The following CLEC17A variants were observed in gnomAD, a reference collection of about 807,000 sequenced individuals.
CLEC17A encodes C-type lectin domain family 17, member A.
CLEC17A carries 37 observed loss-of-function variants against 61.3 expected under a neutral mutation model. That is an observed-to-expected ratio of 0.60 (90% CI 0.46 to 0.79). The LOEUF is 0.79. Among genes scored for constraint, CLEC17A ranks in the 30% least tolerant of loss-of-function variants. The pLI, the probability that CLEC17A is intolerant of heterozygous loss-of-function variation, is 0.00. For missense variants in CLEC17A, 418 were observed against 464.7 expected (o/e 0.90, Z 0.92); for synonymous variants, 168 against 164.9 (o/e 1.02, Z -0.14).
At chr19:14,599,940 G>A in intron 11 of CLEC17A, 91 bp from the exon 12 acceptor site, 2 of 1,548,330 alleles carry the variant, frequency 1.3e-6, no homozygotes, top group Non-Finnish European at 1.8e-6. Context: ...CCGGAGTTGA[G>A]CAGTGTACAG....
rs1460970868 is a variant in CLEC17A at position 14,591,226 on chromosome 19, C to T, written c.200-1055C>T. Among the ~76,000 whole-genome samples, 5 of 151,510 alleles carry T rather than the reference C, an allele frequency of 3.3e-5. No homozygotes were observed. In the South Asian group the frequency reaches 1.0e-3, roughly 32 times the overall value. ...CTGGAGTGCAGTGGCGCGATCTCGG[C>T]TCACTGCAAGCTCCGCCTCCCAGGT... is the stretch of plus-strand genomic sequence containing the variant. On this transcript the variant is annotated intron_variant, in intron 3 of 13. Transcript: ENST00000417570.
upstream of CLEC17A, chr19:14,582,946 G>T: frequency 1.8e-6 from 1 of 556,144 alleles, no homozygotes; most frequent in Non-Finnish European, 3.2e-6. Flanking sequence ...TCCAAACTGG[G>T]GAGAAAGGCT....
intron 2 of CLEC17A, among the ~76,000 whole-genome samples, chr19:14,587,263 T>TGTG (rs71733825): frequency 0.056 from 7,639 of 136,430 alleles, 688 homozygotes; most frequent in African/African-American, 0.21. Flanking sequence ...GTGTGTGTGT[T>TGTG]TGTGTTTGTG....
chr19:14,591,663 C>T (rs1453483181), intron 3 of CLEC17A, among the ~76,000 whole-genome samples: 1 of 151,592 alleles, frequency 6.6e-6, no homozygotes, highest in Non-Finnish European at 1.5e-5. Context: ...AAGTGATTCA[C>T]CTGCCTCAGC....
intron 13 of CLEC17A, 52 bp from the exon 14 acceptor site, chr19:14,610,012 T>G: frequency 7.2e-7 from 1 of 1,381,432 alleles, no homozygotes; most frequent in Non-Finnish European, 1.0e-6. Flanking sequence ...TACAGAAGAG[T>G]TTCACCACCC....
intron 2 of CLEC17A, among the ~76,000 whole-genome samples, chr19:14,586,411 A>ACC (rs2074281790): frequency 6.6e-6 from 1 of 151,984 alleles, no homozygotes. Flanking sequence ...GGCACGAGCC[A>ACC]CCACGCCCAG....
rs539506747 is a variant in CLEC17A, at chr19:14,583,518, TAGTC to T, written c.121+89_121+92del. On this transcript the variant is annotated intron_variant, in intron 2 of 13. Coordinates refer to ENST00000417570, the MANE Select transcript of CLEC17A (RefSeq NM_001204118.2). ...GCATTGGTTGGGCATTGTAGACACA[TAGTC>T]AGTCTCCTCTGTATCCAGCCCATGC... is the stretch of plus-strand genomic sequence containing the variant. 5.6e-4 allele frequency: 894 copies of T among 1,584,268 alleles called. 4 individuals carry two copies. Among genetic ancestry groups the T allele is most frequent in the African/African-American group, 5.0e-3 (374 of 74,330 alleles).
At chr19:14,600,929 G>A (rs1399635175) in intron 12 of CLEC17A, among the ~76,000 whole-genome samples, 1 of 101,894 alleles carries the variant, frequency 9.8e-6, no homozygotes, top group African/African-American at 3.9e-5. Flanking sequence ...TTGAGATGGA[G>A]TCTCACTCTG....
intron 3 of CLEC17A, among the ~76,000 whole-genome samples, chr19:14,589,633 A>C (rs77124840): frequency 0.072 from 7,741 of 108,164 alleles, 1,425 homozygotes; most frequent in African/African-American, 0.33. Context: ...TATATGACTC[A>C]TATGACTCTC....
At chr19:14,584,720 T>G (rs1314676111) in intron 2 of CLEC17A, among the ~76,000 whole-genome samples, 1 of 151,838 alleles carries the variant, frequency 6.6e-6, no homozygotes, top group Non-Finnish European at 1.5e-5. Context: ...AAGCCCTGGG[T>G]CTACATATAT....
chr19:14,583,488 A>G, intron 2 of CLEC17A, 54 bp downstream of exon 2: 1 of 1,608,662 alleles, frequency 6.2e-7, no homozygotes. Context: ...TGGGGTCTCC[A>G]GTGGGCATTG....
At chr19:14,608,656 CAG>C (rs2074965962) in intron 13 of CLEC17A, among the ~76,000 whole-genome samples, 1 of 121,018 alleles carries the variant, frequency 8.3e-6, no homozygotes, top group African/African-American at 3.3e-5. Flanking sequence ...TTTTTTGAGA[CAG>C]AGTCTCACTC....
intron 1 of CLEC17A, 49 bp downstream of exon 1, chr19:14,583,252 C>T (rs34168755): frequency 1.0e-4 from 165 of 1,613,392 alleles, no homozygotes; most frequent in Non-Finnish European, 1.3e-4. Context: ...GGTCAGGACC[C>T]AGGGTACAGA....
upstream of CLEC17A, among the ~76,000 whole-genome samples, chr19:14,582,635 TCTCA>T (rs2074196154): frequency 2.0e-5 from 3 of 151,744 alleles, no homozygotes; most frequent in African/African-American, 7.3e-5. Flanking sequence ...TGAGACAGAG[TCTCA>T]CTCTGTCACT....
Position 14,583,201 on chromosome 19 carries a change from C to G in CLEC17A, c.41C>G (p.Pro14Arg). ...LYSITGYPDP[P>R]GTMEEEEEDD... Reference sequence around the variant, plus strand: ...TCCATCACTGGGTACCCGGACCCACCAGGTAAGGCCCCGGCCAGGCTGGGG... The same window carrying G: ...TCCATCACTGGGTACCCGGACCCACGAGGTAAGGCCCCGGCCAGGCTGGGG... Residue 14 changes from proline to arginine, a missense_variant and splice_region_variant, in exon 1 of 14, where the codon CCA becomes CGA. Coordinates refer to ENST00000417570, the MANE Select transcript of CLEC17A (RefSeq NM_001204118.2). The G allele has an allele frequency of 6.2e-7, 1 of 1,613,920 alleles. No individual in the cohort carries two copies. The highest frequency in any genetic ancestry group is 8.5e-7 in the Non-Finnish European group (1 of 1,179,878).
At chr19:14,581,438 C>T (rs997581637), upstream of CLEC17A, among the ~76,000 whole-genome samples, 2 of 152,020 alleles carry the variant, frequency 1.3e-5, no homozygotes, top group African/African-American at 2.4e-5. Context: ...ATTCTTCTGC[C>T]GCAGCCACCC....
chr19:14,583,683 G>A (rs895912715), intron 2 of CLEC17A, among the ~76,000 whole-genome samples: 1 of 151,934 alleles, frequency 6.6e-6, no homozygotes, highest in Admixed American at 6.6e-5. Flanking sequence ...GGGACTGAGG[G>A]CTCAAATAGA....
upstream of CLEC17A, among the ~76,000 whole-genome samples, chr19:14,582,828 G>A (rs1004608024): frequency 1.2e-4 from 18 of 151,684 alleles, no homozygotes; most frequent in East Asian, 9.8e-4. Context: ...ACCTGGTCTC[G>A]AACTCCTGGC....
At chr19:14,593,321 G>A (rs1374131596) in intron 4 of CLEC17A, among the ~76,000 whole-genome samples, 1 of 115,078 alleles carries the variant, frequency 8.7e-6, no homozygotes, top group African/African-American at 3.9e-5. Context: ...ATAGCAAGAC[G>A]CCCATCTCTA....
Sources: gnomAD v4.1 joint callset for allele counts (sites outside exome capture counted in the v4.1 genomes callset) on GRCh38, gnomAD v4.1.1 for gene constraint, MANE v1.5 for transcripts, NCBI Gene and HGNC (gene_info 2026-07-23, HGNC 2026-07-21) for gene names.